Variants in ZNF613 observed in about 807,000 individuals in gnomAD.
ZNF613 encodes the protein zinc finger protein 613.
Under a neutral mutation model 14.3 loss-of-function variants are expected in ZNF613, and 8 were observed. That is an observed-to-expected ratio of 0.56 (90% CI 0.33 to 1.01). ZNF613 has a LOEUF of 1.01. Among genes scored for constraint, ZNF613 ranks in the 50% least tolerant of loss-of-function variants. The pLI, the probability that ZNF613 is intolerant of heterozygous loss-of-function variation, is 0.03. For synonymous variants in ZNF613, 228 were observed against 254.5 expected, an observed-to-expected ratio of 0.90 and a Z score of 0.99; for missense variants, 656 against 741.9, an observed-to-expected ratio of 0.88 and a Z score of 1.35.
intron 3 of ZNF613, among the ~76,000 whole-genome samples, chr19:51,938,052 C>T (rs2085318615): frequency 6.6e-6 from 1 of 151,772 alleles, no homozygotes; most frequent in Admixed American, 6.6e-5. Flanking sequence ...TGCCATAAGC[C>T]CAGCCTTCTC....
rs1317572500 is a variant in ZNF613, at chr19:51,944,250, AG to A, written c.369del (p.Arg123SerfsTer14). ...TCAGAGGAAAAGTGATTTTCCTTTA[AG>A]GCAAAATCATGATACATTTGACTTA... is the stretch of plus-strand genomic sequence containing the variant. ...IHQRKSDFPLRQNHDTFDLHG... is the reference protein window; with the variant it reads ...IHQRKSDFPLXQNHDTFDLHG... On this transcript the variant is annotated frameshift_variant, in exon 6 of 6. Coordinates refer to ENST00000293471, the MANE Select transcript of ZNF613 (RefSeq NM_001031721.4). LOFTEE classifies it low-confidence loss of function (END_TRUNC). 4 of 1,609,934 alleles carry A rather than the reference AG, an allele frequency of 2.5e-6. No homozygotes were observed. The East Asian group carries it at 8.9e-5, about 36-fold the overall frequency.
At chr19:51,929,507 G>A (rs1270487638) in intron 1 of ZNF613, among the ~76,000 whole-genome samples, 1 of 152,018 alleles carries the variant, frequency 6.6e-6, no homozygotes, top group South Asian at 2.1e-4. Flanking sequence ...AATTAGTTTA[G>A]AAAATATTTA....
At chr19:51,939,671 G>A (rs2085332010) in intron 3 of ZNF613, among the ~76,000 whole-genome samples, 1 of 151,992 alleles carries the variant, frequency 6.6e-6, no homozygotes. Flanking sequence ...AGCAGTAGGG[G>A]GTAATAATAC....
intron 3 of ZNF613, among the ~76,000 whole-genome samples, chr19:51,937,611 C>T (rs999688725): frequency 6.6e-6 from 1 of 152,006 alleles, no homozygotes; most frequent in African/African-American, 2.4e-5. Context: ...TGCACTGACT[C>T]TCAGGAGAAA....
intron 3 of ZNF613, among the ~76,000 whole-genome samples, chr19:51,939,460 C>T (rs2085330666): frequency 6.6e-6 from 1 of 152,020 alleles, no homozygotes; most frequent in Admixed American, 6.6e-5. Flanking sequence ...TCCCGAGTAG[C>T]TGGGATTACA....
Position 51,945,038 on chromosome 19 carries a change from A to C in ZNF613, c.1155A>C (p.Gly385=), listed in dbSNP as rs16983247. 1 of 1,614,106 alleles carries C rather than the reference A, an allele frequency of 6.2e-7. No homozygotes were observed. Among genetic ancestry groups the C allele is most frequent in the African/African-American group, 1.3e-5 (1 of 74,942 alleles). ...RDCGKGFIQK[G]NLIVHQRIHT... is the part of the protein sequence containing the mutation. ...GTGGAAAAGGCTTCATTCAGAAGGG[A>C]AATCTCATTGTACATCAGCGAATTC... The change falls in exon 6 of 6, where the codon GGA becomes GGC. Residue 385 remains glycine, a synonymous_variant. Transcript: ENST00000293471.
Position 51,944,910 on chromosome 19 carries a change from C to A in ZNF613, c.1027C>A (p.Pro343Thr), listed in dbSNP as rs1376139011. The change falls in exon 6 of 6, where the codon CCC becomes ACC. Residue 343 changes from proline (P) to threonine (T), a missense_variant. By Grantham distance (38) the Pro-to-Thr change is conservative. Transcript: ENST00000293471. ...CCAGAGAACTCATACAGGAGAGAAA[C>A]CCTATGAATGCACTGAATGTGACAA... is the stretch of plus-strand genomic sequence containing the variant. The part of the protein sequence containing the change: ...EHQRTHTGEK[P>T]YECTECDKAF... 3 of 1,613,760 alleles carry A rather than the reference C, an allele frequency of 1.9e-6. No individual in the cohort carries two copies. Among genetic ancestry groups the A allele is most frequent in the African/African-American group, 1.3e-5 (1 of 74,860 alleles).
intron 1 of ZNF613, among the ~76,000 whole-genome samples, chr19:51,929,175 A>G (rs1218676478): frequency 6.6e-6 from 1 of 152,218 alleles, no homozygotes; most frequent in African/African-American, 2.4e-5. Context: ...TACATTATGA[A>G]CGTTCTTATA....
chr19:51,933,640 TG>T (rs1432156740), intron 2 of ZNF613, among the ~76,000 whole-genome samples: 1 of 152,094 alleles, frequency 6.6e-6, no homozygotes, highest in Non-Finnish European at 1.5e-5. Flanking sequence ...AAGTCTATTC[TG>T]TTCCCTCCAG....
At position 51,940,194 on chromosome 19, in the gene ZNF613, A is replaced by G; in HGVS notation, c.16-15A>G. ...AGAGAAATACTTCATATTAAGCAGG[A>G]CTCTCTTATTACAGGAATCACTGAC... is the stretch of plus-strand genomic sequence containing the variant. On this transcript the variant is annotated splice_polypyrimidine_tract_variant and intron_variant, in intron 3 of 5. Coordinates refer to ENST00000293471, the MANE Select transcript of ZNF613 (RefSeq NM_001031721.4). The G allele has an allele frequency of 6.2e-7, 1 of 1,612,492 alleles. No homozygotes were observed. The highest frequency in any genetic ancestry group is 8.5e-7 in the Non-Finnish European group (1 of 1,179,072).
At position 51,945,414 on chromosome 19, in the gene ZNF613, C is replaced by A. The variant is rs1417760974; in HGVS notation, c.1531C>A (p.Pro511Thr). The change falls in exon 6 of 6, where the codon CCG (proline) becomes ACG (threonine). Residue 511 changes from proline (P) to threonine (T), a missense_variant. By Grantham distance (38) the Pro-to-Thr change is conservative (BLOSUM62 -1). Transcript: ENST00000293471. ...RHRRTHTGERPYGCSDCGKAF... is the reference protein window; with the variant it reads ...RHRRTHTGERTYGCSDCGKAF... ...TCGGAGAACTCATACAGGGGAGAGA[C>A]CGTATGGATGCTCTGATTGTGGGAA... The A allele has an allele frequency of 6.2e-7, 1 of 1,613,626 alleles. No homozygotes were observed.
At chr19:51,928,036 A>ATCTATCTATCTATCTATCTC (rs200605553) in intron 1 of ZNF613, 5 of 121,066 alleles carry the variant, frequency 4.1e-5, no homozygotes, top group African/African-American at 2.0e-4. Context: ...CTATCTATCT[A>ATCTATCTATCTATCTATCTC]ATCTGTCTAA....
At chr19:51,940,577 A>T in intron 4 of ZNF613, 40 bp from the exon 5 acceptor site, 4 of 1,577,516 alleles carry the variant, frequency 2.5e-6, no homozygotes, top group Non-Finnish European at 3.5e-6. Flanking sequence ...CCACAGCTCA[A>T]TTCAATGAGC....
chr19:51,930,266 A>AT (rs879617654), intron 2 of ZNF613, among the ~76,000 whole-genome samples: 2,839 of 146,096 alleles, frequency 0.019, 42 homozygotes, highest in Admixed American at 0.023. Flanking sequence ...ACATAGCATA[A>AT]TTTTTTTTTT....
In ZNF613 at chr19:51,936,208, G is replaced by T. The variant is rs748791560; in HGVS notation, c.-13G>T. 6.2e-7 allele frequency: 1 copy of T among 1,603,764 alleles called. No homozygotes were observed. Among genetic ancestry groups the T allele is most frequent in the South Asian group, 1.1e-5 (1 of 88,906 alleles). On this transcript the variant is annotated 5_prime_UTR_variant, in exon 3 of 6. Coordinates refer to ENST00000293471, the MANE Select transcript of ZNF613 (RefSeq NM_001031721.4). ...CATCCTACTTACTGGCTATTTCCCA[G>T]TAACAAAAGAAAATGATCAAGTCCC...
chr19:51,944,065 G>A (rs1490362581), intron 5 of ZNF613, 54 bp from the exon 6 acceptor site: 1 of 1,449,320 alleles, frequency 6.9e-7, no homozygotes, highest in Non-Finnish European at 9.2e-7. Context: ...GACTGTTTGT[G>A]AAATAGTTCT....
intron 2 of ZNF613, among the ~76,000 whole-genome samples, chr19:51,933,107 T>C (rs927978096): frequency 2.6e-5 from 4 of 152,338 alleles, no homozygotes; most frequent in South Asian, 2.1e-4. Flanking sequence ...ACTGAACCTG[T>C]AGACATCAGC....
intron 1 of ZNF613, among the ~76,000 whole-genome samples, chr19:51,928,245 T>C (rs951898037): frequency 2.0e-5 from 3 of 152,180 alleles, no homozygotes; most frequent in African/African-American, 7.2e-5. Context: ...GGATTTAATA[T>C]GCGACTCAGT....
Position 51,936,133 on chromosome 19 carries a change from G to T in ZNF613, c.-88G>T. 1 of 1,431,468 alleles carries T rather than the reference G, an allele frequency of 7.0e-7. No homozygotes were observed. 88.7% of individuals were successfully genotyped at this position (1,431,468 alleles called of 1,614,324 possible). ...AGGGATGTAATTCACCAGAGACCAA[G>T]ATTTCTAGCCAGAAATTGAGGGCAG... On this transcript the variant is annotated 5_prime_UTR_variant, in exon 3 of 6. Transcript: ENST00000293471.
Sources: allele counts gnomAD v4.1 joint callset (sites outside exome capture counted in the v4.1 genomes callset), GRCh38; gene constraint gnomAD v4.1.1; transcripts MANE v1.5; gene names NCBI Gene and HGNC (gene_info 2026-07-23, HGNC 2026-07-21).